TCF7L2: variants seen among roughly 807,000 people sequenced by gnomAD.
TCF7L2 encodes transcription factor 7-like 2.
A neutral mutation model predicts 77.9 loss-of-function variants in TCF7L2; 23 were observed. The ratio of observed to expected loss-of-function variants is 0.30; its 90% CI spans 0.21 to 0.42. The LOEUF is 0.42. Among genes scored for constraint, TCF7L2 ranks in the 10% least tolerant of loss-of-function variants. The pLI is 1.00. For missense variants in TCF7L2, 654 were observed against 793.1 expected (o/e 0.82, Z 2.11); for synonymous variants, 413 against 340.2 (o/e 1.21, Z -2.36).
chr10:113,097,824 G>A (rs2061205873), intron 5 of TCF7L2, among the ~76,000 whole-genome samples: 1 of 151,518 alleles, frequency 6.6e-6, no homozygotes, highest in African/African-American at 2.4e-5. Context: ...GGCTGAGGCA[G>A]GCGGATCGCC....
chr10:113,162,775 G>C (rs1375585271), intron 13 of TCF7L2, among the ~76,000 whole-genome samples: 1 of 152,156 alleles, frequency 6.6e-6, no homozygotes, highest in Non-Finnish European at 1.5e-5. Context: ...CATTTCTGCT[G>C]TCTTTGAAGG....
intron 4 of TCF7L2, among the ~76,000 whole-genome samples, chr10:112,993,488 A>G (rs2042950917): frequency 6.6e-6 from 1 of 152,128 alleles, no homozygotes; most frequent in Non-Finnish European, 1.5e-5. Flanking sequence ...CTTGGGTGAT[A>G]GAGTGAGACT....
At chr10:113,161,492 G>A in intron 13 of TCF7L2, 1 of 1,419,364 alleles carries the variant, frequency 7.0e-7, no homozygotes, top group Non-Finnish European at 9.6e-7. Context: ...TCTTGGTGGA[G>A]GGATACCGAC....
Position 113,155,732 on chromosome 10 carries a change from A to C in TCF7L2, c.1270-2289A>C, listed in dbSNP as rs2071734704. ...ACATTTCTGTGCCCAGTTTTTATGA[A>C]TACTTCAGGCTCCTAAATGAACCGA... On this transcript the variant is annotated intron_variant, in intron 11 of 13. Transcript: ENST00000627217. 2.0e-5 allele frequency among the ~76,000 whole-genome samples: 3 copies of C among 152,196 alleles called. 1 individual carries two copies. Among genetic ancestry groups the C allele is most frequent in the African/African-American group, 7.2e-5 (3 of 41,438 alleles).
intron 5 of TCF7L2, among the ~76,000 whole-genome samples, chr10:113,106,060 T>C (rs1471253780): frequency 1.3e-5 from 2 of 152,128 alleles, no homozygotes; most frequent in Admixed American, 1.3e-4. Context: ...GGCTCTGAGG[T>C]ACTCCCTTGA....
chr10:113,123,913 A>G (rs2065172101), intron 5 of TCF7L2, among the ~76,000 whole-genome samples: 1 of 152,224 alleles, frequency 6.6e-6, no homozygotes. Flanking sequence ...TTTAGGACCT[A>G]TTCCAAAAAC....
intron 5 of TCF7L2, among the ~76,000 whole-genome samples, chr10:113,078,836 G>GTT (rs568497795): frequency 1.4e-5 from 2 of 143,396 alleles, no homozygotes; most frequent in Non-Finnish European, 1.5e-5. Context: ...TTCTTTTTTT[G>GTT]TTTTTTTTTT....
intron 4 of TCF7L2, among the ~76,000 whole-genome samples, chr10:112,995,670 G>A (rs2043337374): frequency 6.6e-6 from 1 of 152,210 alleles, no homozygotes; most frequent in African/African-American, 2.4e-5. Flanking sequence ...ACTGCCTGGT[G>A]TGTTGGTTAA....
chr10:113,121,893 A>G (rs1591988947), intron 5 of TCF7L2, among the ~76,000 whole-genome samples: 1 of 152,344 alleles, frequency 6.6e-6, no homozygotes, highest in South Asian at 2.1e-4. Context: ...TGCAATGGGG[A>G]AAACACGTTG....
chr10:113,011,577 T>C (rs2046455709), intron 4 of TCF7L2, among the ~76,000 whole-genome samples: 1 of 152,174 alleles, frequency 6.6e-6, no homozygotes, highest in Admixed American at 6.5e-5. Context: ...CAAGTGTTAC[T>C]ACCTTGAGTA....
intron 5 of TCF7L2, among the ~76,000 whole-genome samples, chr10:113,137,593 G>A (rs2067615220): frequency 6.6e-6 from 1 of 152,238 alleles, no homozygotes; most frequent in Non-Finnish European, 1.5e-5. Context: ...TAAAGGCACA[G>A]TTGTAATTGA....
intron 4 of TCF7L2, among the ~76,000 whole-genome samples, chr10:112,973,558 T>A (rs2038748875): frequency 6.6e-6 from 1 of 151,884 alleles, no homozygotes; most frequent in Non-Finnish European, 1.5e-5. Flanking sequence ...AGAGAACAAC[T>A]ATTGTAAGCC....
intron 4 of TCF7L2, among the ~76,000 whole-genome samples, chr10:112,985,174 T>C (rs1265775035): frequency 6.6e-6 from 1 of 152,240 alleles, no homozygotes; most frequent in East Asian, 1.9e-4. Flanking sequence ...AGGCTCTAGC[T>C]GTTGCTGGGG....
At chr10:113,041,322 C>T (rs1385179813) in intron 5 of TCF7L2, among the ~76,000 whole-genome samples, 1 of 152,160 alleles carries the variant, frequency 6.6e-6, no homozygotes, top group Non-Finnish European at 1.5e-5. Flanking sequence ...TCTAACTCCA[C>T]AATAAAATGG....
chr10:113,143,011 C>T (rs1297203823), intron 6 of TCF7L2, among the ~76,000 whole-genome samples: 3 of 152,208 alleles, frequency 2.0e-5, no homozygotes, highest in Non-Finnish European at 4.4e-5. Flanking sequence ...AAAATGAAGT[C>T]GTTTTCGTCC....
chr10:113,143,856 A>G, intron 6 of TCF7L2, 67 bp from the exon 7 acceptor site: 1 of 1,184,600 alleles, frequency 8.4e-7, no homozygotes, highest in Admixed American at 1.9e-5. Context: ...CCCTGTTCCC[A>G]TCCCCTAATG....
intron 5 of TCF7L2, among the ~76,000 whole-genome samples, chr10:113,122,205 A>C (rs2064919214): frequency 6.6e-6 from 1 of 152,346 alleles, no homozygotes; most frequent in East Asian, 1.9e-4. Context: ...TTTTTAACCT[A>C]GAACATAACA....
At chr10:113,022,567 C>T (rs1287920071) in intron 4 of TCF7L2, among the ~76,000 whole-genome samples, 1 of 152,112 alleles carries the variant, frequency 6.6e-6, no homozygotes, top group Non-Finnish European at 1.5e-5. Context: ...TGTTCATTTC[C>T]CCCTTAAGCG....
chr10:113,045,341 C>T (rs189849125), intron 5 of TCF7L2, among the ~76,000 whole-genome samples: 84 of 152,236 alleles, frequency 5.5e-4, no homozygotes, highest in Non-Finnish European at 1.0e-3. Context: ...GGGGATTTGC[C>T]CAGTCGTGGG....
Sources: allele counts gnomAD v4.1 joint callset (sites outside exome capture counted in the v4.1 genomes callset), GRCh38; gene constraint gnomAD v4.1.1; transcripts MANE v1.5; gene names NCBI Gene and HGNC (gene_info 2026-07-23, HGNC 2026-07-21).